BCL6B: variants seen among roughly 807,000 people sequenced by gnomAD.
BCL6B encodes the protein BCL6B transcription repressor.
A neutral mutation model predicts 44.6 loss-of-function variants in BCL6B; 28 were observed. That is an observed-to-expected ratio of 0.63 (90% CI 0.47 to 0.86). The LOEUF is 0.86. BCL6B is among the 40% of genes least tolerant of loss of function. The pLI, the probability that BCL6B is intolerant of heterozygous loss-of-function variation, is 0.00. For missense variants in BCL6B, 626 were observed against 652.3 expected (o/e 0.96, Z 0.44); for synonymous variants, 268 against 263.6 (o/e 1.02, Z -0.16).
rs752544544 is a variant in BCL6B at position 7,024,671 on chromosome 17, A to C, written c.672A>C (p.Gln224His). ...GERSSGQPCP[Q>H]ARLPSGDEAS... ...GAAGTTCTGGTCAACCTTGCCCCCA[A>C]GCCAGGCTCCCCAGTGGAGACGAGG... The change falls in exon 4 of 9, where the codon CAA becomes CAC. Residue 224 changes from glutamine (Q) to histidine (H), a missense_variant. Coordinates refer to ENST00000293805, the MANE Select transcript of BCL6B (RefSeq NM_181844.4). The surrounding 1 kb of genome is among the most constrained non-coding windows in gnomAD (Gnocchi z 6.6). 3.1e-6 allele frequency: 5 copies of C among 1,613,130 alleles called. No homozygotes were observed. The highest frequency in any genetic ancestry group is 2.2e-5 in the East Asian group (1 of 44,834).
Position 7,024,914 on chromosome 17 carries a change from T to C in BCL6B, c.764+151T>C. On this transcript the variant is annotated intron_variant, in intron 4 of 8. Transcript: ENST00000293805. The surrounding 1 kb of genome is among the most constrained non-coding windows in gnomAD (Gnocchi z 6.6). ...AGGAGCTGGCCAGAGACCAGGTTTA[T>C]TCAGCAGGGTGGCACTTGGGCAGTA... The C allele has an allele frequency of 6.8e-7, 1 of 1,467,392 alleles. No homozygotes were observed. The highest frequency in any genetic ancestry group is 2.4e-5 in the East Asian group (1 of 41,578). The allele number at this position is 1,467,392 out of a possible 1,614,324, so 90.9% of individuals were successfully genotyped here.
intron 6 of BCL6B, 22 bp from the exon 7 acceptor site, chr17:7,026,683 C>T (rs377732975): frequency 6.2e-7 from 1 of 1,614,122 alleles, no homozygotes; most frequent in African/African-American, 1.3e-5. Flanking sequence ...AGTCCCTGAT[C>T]TCCCATGTTC....
Position 7,023,810 on chromosome 17 carries a change from C to G in BCL6B, c.139C>G (p.Gln47Glu). 1 of 1,490,116 alleles carries G rather than the reference C, an allele frequency of 6.7e-7. No homozygotes were observed. 92.3% of individuals were successfully genotyped at this position (1,490,116 alleles called of 1,614,324 possible). A position where few individuals can be genotyped will look rare whatever the true frequency, so the allele number is the denominator to read the frequency against. The change falls in exon 2 of 9, where the codon CAA becomes GAA. Residue 47 changes from glutamine to glutamate, a missense_variant. Physicochemically the swap from Gln to Glu is conservative, Grantham distance 29 (BLOSUM62 2). Transcript: ENST00000293805. ...LTDVTLLVGG[Q>E]PLRAHKAVLI... is the part of the protein sequence containing the mutation. ...TGACGTCACGCTGCTGGTTGGCGGG[C>G]AACCCCTCAGAGCACACAAGGCAGT...
chr17:7,023,497 A>G (rs1910184671), intron 1 of BCL6B, 163 bp from the exon 2 acceptor site: 2 of 670,728 alleles, frequency 3.0e-6, no homozygotes, highest in Non-Finnish European at 4.9e-6. Context: ...AGGGTGTCGT[A>G]GAGGGCAGAA....
At chr17:7,027,170 G>A (rs553827023) in intron 8 of BCL6B, 83 bp downstream of exon 8, 6 of 1,543,140 alleles carry the variant, frequency 3.9e-6, no homozygotes, top group Non-Finnish European at 4.4e-6. Context: ...TGCGGGCCTG[G>A]CTGTCCCTAG....
rs1910210653 is a variant in BCL6B, at chr17:7,024,122, C to G, written c.219C>G (p.Val73=). 1.2e-6 allele frequency: 2 copies of G among 1,613,890 alleles called. No individual in the cohort carries two copies. The highest frequency in any genetic ancestry group is 2.2e-5 in the South Asian group (2 of 91,094). The change falls in exon 3 of 9, where the codon GTC becomes GTG. Residue 73 remains valine, a synonymous_variant. Transcript: ENST00000293805. This position sits in a 1 kb window ranked among gnomAD's most constrained non-coding sequence, Gnocchi z 6.6. Reference sequence around the variant, plus strand: ...CAATTTTCCGGGGCCGTGCGGGAGTCGGGGTGGACGTGCTCTCTCTGCCCG... The same window carrying G: ...CAATTTTCCGGGGCCGTGCGGGAGTGGGGGTGGACGTGCTCTCTCTGCCCG... ...FYSIFRGRAG[V]GVDVLSLPGG... is the part of the protein sequence containing the mutation.
At position 7,024,856 on chromosome 17, in the gene BCL6B, G is replaced by A. The variant is rs1910240060; in HGVS notation, c.764+93G>A. The A allele has an allele frequency of 6.7e-7, 1 of 1,487,252 alleles. No individual in the cohort carries two copies. 92.1% of individuals were successfully genotyped at this position (1,487,252 alleles called of 1,614,324 possible). A position where few individuals can be genotyped will look rare whatever the true frequency, so the allele number is the denominator to read the frequency against. Reference sequence around the variant, plus strand: ...TTGATGGTCAGGAGGAAGGGAGATAGGTGGTGGGTTTCAGAGACACTAGCT... The same window carrying A: ...TTGATGGTCAGGAGGAAGGGAGATAAGTGGTGGGTTTCAGAGACACTAGCT... On this transcript the variant is annotated intron_variant, in intron 4 of 8. Transcript: ENST00000293805. This position sits in a 1 kb window ranked among gnomAD's most constrained non-coding sequence, Gnocchi z 6.6.
chr17:7,028,207 A>G lies in BCL6B; in HGVS notation c.*588A>G, dbSNP rs563225656. 2.0e-6 allele frequency: 2 copies of G among 985,834 alleles called. No homozygotes were observed. The highest frequency in any genetic ancestry group is 4.7e-5 in the South Asian group (1 of 21,314). 61.1% of individuals were successfully genotyped at this position (985,834 alleles called of 1,614,324 possible). A position where few individuals can be genotyped will look rare whatever the true frequency, so the allele number is the denominator to read the frequency against. On this transcript the variant is annotated 3_prime_UTR_variant, in exon 9 of 9. Transcript: ENST00000293805. Reference sequence around the variant, plus strand: ...TTGTTAGTTTGTTTAAAATGGAAAAAGGGGTTCTCTGTGTTCTGCCCCTGT... The same window carrying G: ...TTGTTAGTTTGTTTAAAATGGAAAAGGGGGTTCTCTGTGTTCTGCCCCTGT...
In BCL6B at chr17:7,029,471, C is replaced by A; in HGVS notation, c.*1852C>A. On this transcript the variant is annotated 3_prime_UTR_variant, in exon 9 of 9. Transcript: ENST00000293805. ...ACTCTTCTCCCTCTTCCCTCTTTCTCCCCATGGCCCCACTGCAGAATTAAA... is the reference window on the plus strand; with the variant it reads ...ACTCTTCTCCCTCTTCCCTCTTTCTACCCATGGCCCCACTGCAGAATTAAA... 1 of 1,046,986 alleles carries A rather than the reference C, an allele frequency of 9.6e-7. No individual in the cohort carries two copies. The highest frequency in any genetic ancestry group is 1.2e-6 in the Non-Finnish European group (1 of 865,322). 64.9% of individuals were successfully genotyped at this position (1,046,986 alleles called of 1,614,324 possible). A position where few individuals can be genotyped will look rare whatever the true frequency, so the allele number is the denominator to read the frequency against.
chr17:7,023,457 G>C (rs758406880), intron 1 of BCL6B: 39 of 572,196 alleles, frequency 6.8e-5, no homozygotes, highest in Admixed American at 1.7e-4. Context: ...GGCTCCAAGC[G>C]CTGTGGGATC....
intron 4 of BCL6B, 31 bp from the exon 5 acceptor site, chr17:7,025,045 T>C: frequency 1.9e-6 from 3 of 1,609,630 alleles, no homozygotes; most frequent in Non-Finnish European, 2.5e-6. Context: ...CCGTACAATC[T>C]CTTTTAACCC....
Position 7,027,079 on chromosome 17 carries a change from C to G in BCL6B, c.1315C>G (p.Pro439Ala). 1.9e-6 allele frequency: 3 copies of G among 1,613,978 alleles called. No homozygotes were observed. Among genetic ancestry groups the G allele is most frequent in the Non-Finnish European group, 2.5e-6 (3 of 1,180,020 alleles). ...SHVRIHTGEKPYHCDPCGLHF... is the reference protein window; with the variant it reads ...SHVRIHTGEKAYHCDPCGLHF... Reference sequence around the variant, plus strand: ...CGTTCGCATCCACACCGGAGAGAAGCCTTACCACGTGGGTACCCAACCTGG... The same window carrying G: ...CGTTCGCATCCACACCGGAGAGAAGGCTTACCACGTGGGTACCCAACCTGG... The change falls in exon 8 of 9, where the codon CCT becomes GCT. Residue 439 changes from proline to alanine, a missense_variant. Physicochemically the swap from Pro to Ala is conservative, Grantham distance 27. Transcript: ENST00000293805.
At chr17:7,023,375 G>A (rs1483381417) in intron 1 of BCL6B, 3 of 427,222 alleles carry the variant, frequency 7.0e-6, no homozygotes, top group Non-Finnish European at 8.4e-6. Flanking sequence ...GGGCACTGGG[G>A]GTCGAACCCA....
rs11871782 is a variant in BCL6B, at chr17:7,028,656, G to C, written c.*1037G>C. The C allele has an allele frequency of 1.0e-3, 1,027 of 985,450 alleles. 6 individuals are homozygous for C. The African/African-American group carries it at 0.016, about 16-fold the overall frequency. The allele number at this position is 985,450 out of a possible 1,614,324, so 61.0% of individuals were successfully genotyped here. Reference sequence around the variant, plus strand: ...GGGGGCCTGTTCTTAGCACTGAGTTGATCGCTCCATGGGGGAGAGATCAGA... The same window carrying C: ...GGGGGCCTGTTCTTAGCACTGAGTTCATCGCTCCATGGGGGAGAGATCAGA... On this transcript the variant is annotated 3_prime_UTR_variant, in exon 9 of 9. Coordinates refer to ENST00000293805, the MANE Select transcript of BCL6B (RefSeq NM_181844.4).
intron 4 of BCL6B, 47 bp from the exon 5 acceptor site, chr17:7,025,029 C>T: frequency 6.2e-7 from 1 of 1,602,078 alleles, no homozygotes; most frequent in Non-Finnish European, 8.5e-7. Context: ...AACCCCCACC[C>T]CTCAACCGTA....
rs958997429 is a variant in BCL6B at position 7,028,720 on chromosome 17, G to T, written c.*1101G>T. The T allele has an allele frequency of 1.0e-6, 1 of 985,438 alleles. No individual in the cohort carries two copies. The allele number at this position is 985,438 out of a possible 1,614,324, so 61.0% of individuals were successfully genotyped here. ...AGATGATGTGACCTTTTCTGACTCT[G>T]CCCAGTCTCTATGAATGTTATGGCC... On this transcript the variant is annotated 3_prime_UTR_variant, in exon 9 of 9. Coordinates refer to ENST00000293805, the MANE Select transcript of BCL6B (RefSeq NM_181844.4).
Position 7,026,703 on chromosome 17 carries a change from A to T in BCL6B, c.1055-2A>T, listed in dbSNP as rs1459956758. On this transcript the variant is annotated splice_acceptor_variant, in intron 6 of 8. Coordinates refer to ENST00000293805, the MANE Select transcript of BCL6B (RefSeq NM_181844.4). LOFTEE classifies it high-confidence loss of function. Reference sequence around the variant, plus strand: ...CTGATCTCCCATGTTCTCTGCCTCCAGGGGAAAAGCCTTACCACTGCTCAA... The same window carrying T: ...CTGATCTCCCATGTTCTCTGCCTCCTGGGGAAAAGCCTTACCACTGCTCAA... The T allele has an allele frequency of 6.2e-7, 1 of 1,614,262 alleles. No homozygotes were observed. Among genetic ancestry groups the T allele is most frequent in the Non-Finnish European group, 8.5e-7 (1 of 1,180,044 alleles).
chr17:7,026,071 G>A (rs1447622815), intron 5 of BCL6B, among the ~76,000 whole-genome samples: 13 of 152,044 alleles, frequency 8.6e-5, no homozygotes, highest in Admixed American at 8.5e-4. Flanking sequence ...ACAGGCACGT[G>A]CCACCACACC....
Position 7,029,360 on chromosome 17 carries a change from G to T in BCL6B, c.*1741G>T, listed in dbSNP as rs921347390. 23 of 861,916 alleles carry T rather than the reference G, an allele frequency of 2.7e-5. No individual in the cohort carries two copies. In the African/African-American group the frequency reaches 4.0e-4, roughly 15 times the overall value. 53.4% of individuals were successfully genotyped at this position (861,916 alleles called of 1,614,324 possible). On this transcript the variant is annotated 3_prime_UTR_variant, in exon 9 of 9. Transcript: ENST00000293805. ...TCTGATTATGGGACGAGGGTAGAAA[G>T]TAAGAAGCACTTTTGAATTTGTGGG...
Sources: gnomAD v4.1 joint callset for allele counts (sites outside exome capture counted in the v4.1 genomes callset) on GRCh38, gnomAD v4.1.1 for gene constraint, Gnocchi (gnomAD v3.1) non-coding constraint, MANE v1.5 for transcripts, NCBI Gene and HGNC (gene_info 2026-07-23, HGNC 2026-07-21) for gene names.